The following ECSIT variants were observed in gnomAD, a reference collection of about 807,000 sequenced individuals.
ECSIT encodes ECSIT signaling integrator.
In ECSIT, 29 loss-of-function variants were observed where a neutral mutation model predicts 36.8. The observed-to-expected ratio is 0.79, with a 90% confidence interval of 0.59 to 1.08. ECSIT has a LOEUF of 1.08. Ranked by LOEUF, ECSIT falls within the 50% of genes least tolerant of loss-of-function variation. ECSIT has a pLI of 0.00. For synonymous variants in ECSIT, 231 were observed against 234.8 expected, an observed-to-expected ratio of 0.98 and a Z score of 0.15; for missense variants, 542 against 581.0, an observed-to-expected ratio of 0.93 and a Z score of 0.69.
Position 11,514,225 on chromosome 19 carries a change from G to C in ECSIT, c.97-4C>G. On this transcript the variant is annotated splice_region_variant and splice_polypyrimidine_tract_variant and intron_variant, in intron 2 of 7. Transcript: ENST00000270517. ...CCCGAGGGAGCCGGCGAGGGACCTG[G>C]GGAGGGAGGAGAACTGCTGGAATCT... 5 of 1,597,320 alleles carry C rather than the reference G, an allele frequency of 3.1e-6. No homozygotes were observed. The highest frequency in any genetic ancestry group is 4.3e-6 in the Non-Finnish European group (5 of 1,172,268).
chr19:11,524,453 T>TAC, intron 1 of ECSIT, among the ~76,000 whole-genome samples: 1 of 150,722 alleles, frequency 6.6e-6, no homozygotes, highest in East Asian at 2.0e-4. Flanking sequence ...ACCCAGGAGG[T>TAC]GGAGTTTACA....
intron 1 of ECSIT, chr19:11,523,286 C>CT (rs1972145507): frequency 4.5e-6 from 1 of 224,072 alleles, no homozygotes; most frequent in African/African-American, 2.3e-5. Context: ...ATAACATTTT[C>CT]TTTTCTTCAG....
chr19:11,515,820 G>C (rs1971987296), intron 2 of ECSIT, among the ~76,000 whole-genome samples: 1 of 152,170 alleles, frequency 6.6e-6, no homozygotes, highest in African/African-American at 2.4e-5. Context: ...TTTTAGTAGA[G>C]ACAGGGTTTC....
intron 1 of ECSIT, chr19:11,523,719 G>A: frequency 1.4e-6 from 1 of 689,834 alleles, no homozygotes; most frequent in Non-Finnish European, 2.6e-6. Flanking sequence ...GTAAAATTGA[G>A]AGAAGGGAAA....
At chr19:11,508,197 C>G (rs367653619) in intron 4 of ECSIT, 149 bp from the exon 5 acceptor site, 1 of 939,064 alleles carries the variant, frequency 1.1e-6, no homozygotes, top group South Asian at 1.4e-5. Flanking sequence ...CCTCCTCCCT[C>G]TGTCCCATTT....
At chr19:11,518,867 C>T (rs947296780) in intron 2 of ECSIT, among the ~76,000 whole-genome samples, 1 of 152,148 alleles carries the variant, frequency 6.6e-6, no homozygotes, top group Non-Finnish European at 1.5e-5. Context: ...CTACTGCACT[C>T]CAGCCTTGGT....
chr19:11,509,887 G>C (rs1212666508), intron 4 of ECSIT, among the ~76,000 whole-genome samples: 1 of 146,930 alleles, frequency 6.8e-6, no homozygotes, highest in Non-Finnish European at 1.5e-5. Context: ...TTTTTTTTTT[G>C]AGATGGAGTT....
rs780386970 is a variant in ECSIT, at chr19:11,507,520, T to A, written c.988A>T (p.Met330Leu). The A allele has an allele frequency of 6.2e-7, 1 of 1,614,044 alleles. No homozygotes were observed. The highest frequency in any genetic ancestry group is 8.5e-7 in the Non-Finnish European group (1 of 1,180,008). ...CTCACATACTCCAGGTCCAGCTGCATCGGGTAGTAGAGGTTCCACTCCTCC... is the reference window on the plus strand; with the variant it reads ...CTCACATACTCCAGGTCCAGCTGCAACGGGTAGTAGAGGTTCCACTCCTCC... ...TPEEWNLYYPMQLDLEYVRSG... is the reference protein window; with the variant it reads ...TPEEWNLYYPLQLDLEYVRSG... The change falls in exon 7 of 8, where the codon ATG (methionine) becomes TTG (leucine). Residue 330 changes from methionine to leucine, a missense_variant. Met to Leu is a conservative substitution (Grantham distance 15). Transcript: ENST00000270517.
rs369387977 is a variant in ECSIT at position 11,522,279 on chromosome 19, C to G, written c.-23-3086G>C. The stretch of plus-strand genomic sequence containing the variant: ...AATATTGGGACCTGACCACCACGGG[C>G]GCTGTCACCCAGTGCTACCGAGACA... On this transcript the variant is annotated intron_variant, in intron 1 of 7. Coordinates refer to ENST00000270517, the MANE Select transcript of ECSIT (RefSeq NM_016581.5). The G allele has an allele frequency of 7.9e-4, 513 of 645,948 alleles. 5 individuals are homozygous for G. Among genetic ancestry groups the G allele is most frequent in the African/African-American group, 5.6e-3 (306 of 54,862 alleles). 40.0% of individuals were successfully genotyped at this position (645,948 alleles called of 1,614,324 possible). A position where few individuals can be genotyped will look rare whatever the true frequency, so the allele number is the denominator to read the frequency against.
chr19:11,525,157 A>T (rs1972188992), intron 1 of ECSIT, among the ~76,000 whole-genome samples: 1 of 151,908 alleles, frequency 6.6e-6, no homozygotes, highest in African/African-American at 2.4e-5. Flanking sequence ...AATAAATAAA[A>T]ATAAACATAA....
intron 1 of ECSIT, among the ~76,000 whole-genome samples, chr19:11,527,869 C>T (rs1355904094): frequency 1.3e-5 from 2 of 152,092 alleles, no homozygotes; most frequent in East Asian, 3.9e-4. Flanking sequence ...TGGTGTGCAC[C>T]TGTAGTTCCA....
rs530914464 is a variant in ECSIT, at chr19:11,509,565, C to T, written c.739-1517G>A. Among the ~76,000 whole-genome samples the T allele has an allele frequency of 2.0e-5, 3 of 151,216 alleles. No homozygotes were observed. In the East Asian group the frequency reaches 6.2e-4, roughly 31 times the overall value. Reference sequence around the variant, plus strand: ...GGTGGATCACTTGAGGCCAGGAGTTCAAGACCAGCCTGGCCAACATGGTGA... The same window carrying T: ...GGTGGATCACTTGAGGCCAGGAGTTTAAGACCAGCCTGGCCAACATGGTGA... On this transcript the variant is annotated intron_variant, in intron 4 of 7. Transcript: ENST00000270517.
chr19:11,509,743 G>A (rs1004551156), intron 4 of ECSIT, among the ~76,000 whole-genome samples: 1 of 151,886 alleles, frequency 6.6e-6, no homozygotes, highest in Non-Finnish European at 1.5e-5. Flanking sequence ...ACTCCAGCAT[G>A]GGCGACAGAG....
intron 1 of ECSIT, chr19:11,522,470 C>T: frequency 1.4e-6 from 2 of 1,417,960 alleles, no homozygotes; most frequent in Admixed American, 1.7e-5. Context: ...CCACGCTTCA[C>T]CACCAAAAGG....
At chr19:11,518,155 G>T (rs572332124) in intron 2 of ECSIT, among the ~76,000 whole-genome samples, 1 of 152,134 alleles carries the variant, frequency 6.6e-6, no homozygotes, top group East Asian at 1.9e-4. Flanking sequence ...GGCCGGGTGC[G>T]GTGGCTTATG....
intron 4 of ECSIT, among the ~76,000 whole-genome samples, chr19:11,511,752 T>G (rs1971874654): frequency 1.3e-5 from 2 of 152,054 alleles, no homozygotes; most frequent in Non-Finnish European, 2.9e-5. Context: ...AAAAAGGTCT[T>G]GGCCGGGCAC....
chr19:11,507,808 T>C lies in ECSIT; in HGVS notation c.839A>G (p.Asn280Ser), dbSNP rs113838671. 32 of 1,613,594 alleles carry C rather than the reference T, an allele frequency of 2.0e-5. No homozygotes were observed. In the African/African-American group the frequency reaches 2.0e-4, roughly 10 times the overall value. The change falls in exon 6 of 8, where the codon AAT (asparagine) becomes AGT (serine). Residue 280 changes from asparagine (N) to serine (S), a missense_variant. By Grantham distance (46) the Asn-to-Ser change is conservative. Coordinates refer to ENST00000270517, the MANE Select transcript of ECSIT (RefSeq NM_016581.5). ...PDQQAALARH[N>S]PARPVFVEGP... ...CTCAACAAAGACAGGCCGGGCTGGA[T>C]TGTGGCGGGCCAGGGCGGCCTGCTG... is the stretch of plus-strand genomic sequence containing the variant.
chr19:11,508,577 G>A (rs1971806950), intron 4 of ECSIT, among the ~76,000 whole-genome samples: 1 of 151,876 alleles, frequency 6.6e-6, no homozygotes, highest in South Asian at 2.1e-4. Context: ...TTTTTGAAAT[G>A]GAGTTTTGCT....
chr19:11,513,709 G>C, intron 3 of ECSIT, 95 bp downstream of exon 3: 2 of 1,402,196 alleles, frequency 1.4e-6, no homozygotes, highest in Non-Finnish European at 1.0e-6. Context: ...GACAGAGACG[G>C]AGCCATGGAG....
Sources: allele counts gnomAD v4.1 joint callset (sites outside exome capture counted in the v4.1 genomes callset), GRCh38; gene constraint gnomAD v4.1.1; transcripts MANE v1.5; gene names NCBI Gene and HGNC (gene_info 2026-07-23, HGNC 2026-07-21).